VCP: variants seen among roughly 807,000 people sequenced by gnomAD.
The protein encoded by VCP is valosin containing protein.
In VCP, 6 loss-of-function variants were observed where a neutral mutation model predicts 85.7. The ratio of observed to expected loss-of-function variants is 0.07; its 90% confidence interval spans 0.04 to 0.14. The LOEUF is 0.14. Among genes scored for constraint, VCP ranks in the 10% least tolerant of loss-of-function variants. The pLI is 1.00. For synonymous variants in VCP, 384 were observed against 367.1 expected (o/e 1.05, Z -0.53); for missense variants, 353 against 1,043.4 (o/e 0.34, Z 9.12).
At chr9:35,067,109 C>T (rs1828849013) in intron 3 of VCP, among the ~76,000 whole-genome samples, 1 of 151,976 alleles carries the variant, frequency 6.6e-6, no homozygotes, top group African/African-American at 2.4e-5. Flanking sequence ...TACTGGTGAC[C>T]CAATATTACA....
At chr9:35,061,362 T>G (rs908367023) in intron 10 of VCP, among the ~76,000 whole-genome samples, 183 bp from the exon 11 acceptor site, 1 of 152,182 alleles carries the variant, frequency 6.6e-6, no homozygotes, top group Non-Finnish European at 1.5e-5. Context: ...GACCTAGAAA[T>G]AAGGCTGCTC....
chr9:35,064,020 A>T (rs537411230), intron 6 of VCP, 134 bp downstream of exon 6: 1 of 1,425,922 alleles, frequency 7.0e-7, no homozygotes, highest in South Asian at 1.2e-5. Flanking sequence ...GGTAAACTAA[A>T]GGATACGTTA....
Position 35,063,214 on chromosome 9 carries a change from T to C in VCP, c.709-134A>G, listed in dbSNP as rs1828761811. 1.7e-5 allele frequency: 13 copies of C among 775,802 alleles called. No individual in the cohort carries two copies. In the Admixed American group the frequency reaches 2.5e-4, roughly 15 times the overall value. The allele number at this position is 775,802 out of a possible 1,614,324, so 48.1% of individuals were successfully genotyped here. A position where few individuals can be genotyped will look rare whatever the true frequency, so the allele number is the denominator to read the frequency against. On this transcript the variant is annotated intron_variant, in intron 6 of 16. Coordinates refer to ENST00000358901, the MANE Select transcript of VCP (RefSeq NM_007126.5). ...TTAAGAATAAGCCCTCCGCAGTAAA[T>C]GCTAAGAAGACAATTACTTTAGGCC...
chr9:35,057,758 C>T, intron 15 of VCP: 1 of 602,376 alleles, frequency 1.7e-6, no homozygotes, highest in Non-Finnish European at 2.9e-6. Flanking sequence ...AGTGATGGGG[C>T]TTAAGGAGGG....
Position 35,072,587 on chromosome 9 carries a change from G to GGC in VCP, c.-235_-234insGC. ...TGGCAGTGGCAGCGGCAGCGGCAGCGACGACTCAAACGACGGTCGCAGACG... is the reference window on the plus strand; with the variant it reads ...TGGCAGTGGCAGCGGCAGCGGCAGCGGCACGACTCAAACGACGGTCGCAGACG... On this transcript the variant is annotated 5_prime_UTR_variant, in exon 1 of 17. Transcript: ENST00000358901. 6.0e-6 allele frequency: 3 copies of GGC among 500,164 alleles called. No homozygotes were observed. Among genetic ancestry groups the GGC allele is most frequent in the Non-Finnish European group, 1.0e-5 (3 of 293,400 alleles). 31.0% of individuals were successfully genotyped at this position (500,164 alleles called of 1,614,324 possible). A position where few individuals can be genotyped will look rare whatever the true frequency, so the allele number is the denominator to read the frequency against.
Position 35,057,012 on chromosome 9 carries a change from G to A in VCP, c.*105C>T. 1.8e-6 allele frequency: 2 copies of A among 1,098,610 alleles called. No individual in the cohort carries two copies. Among genetic ancestry groups the A allele is most frequent in the South Asian group, 1.3e-5 (1 of 79,994 alleles). The allele number at this position is 1,098,610 out of a possible 1,614,324, so 68.1% of individuals were successfully genotyped here. A position where few individuals can be genotyped will look rare whatever the true frequency, so the allele number is the denominator to read the frequency against. ...GCTGAACTGTTCAGACTGGAGAATG[G>A]AGCAGGCTGTGGGCGCACCCCTGGT... On this transcript the variant is annotated 3_prime_UTR_variant, in exon 17 of 17. Coordinates refer to ENST00000358901, the MANE Select transcript of VCP (RefSeq NM_007126.5).
chr9:35,071,777 C>A (rs7871544), intron 1 of VCP: 51,911 of 988,836 alleles, frequency 0.052, 1,904 homozygotes, highest in East Asian at 0.31. Context: ...GCCGACCCGG[C>A]TCCAAAAAGG....
Position 35,057,772 on chromosome 9 carries a change from ATGT to A in VCP, c.2161-245_2161-243del, listed in dbSNP as rs905393778. 3 of 574,364 alleles carry A rather than the reference ATGT, an allele frequency of 5.2e-6. No homozygotes were observed. The African/African-American group carries it at 5.6e-5, about 11-fold the overall frequency. The allele number at this position is 574,364 out of a possible 1,614,324, so 35.6% of individuals were successfully genotyped here. A position where few individuals can be genotyped will look rare whatever the true frequency, so the allele number is the denominator to read the frequency against. Reference sequence around the variant, plus strand: ...CAGTGATGGGGCTTAAGGAGGGGAGATGTTGACTGAAGTGGCTAAGGAAACTTT... The same window carrying A: ...CAGTGATGGGGCTTAAGGAGGGGAGATGACTGAAGTGGCTAAGGAAACTTT... On this transcript the variant is annotated intron_variant, in intron 15 of 16. Transcript: ENST00000358901.
chr9:35,072,230 G>A (rs999231265), intron 1 of VCP, 107 bp downstream of exon 1: 8 of 1,458,942 alleles, frequency 5.5e-6, no homozygotes, highest in Non-Finnish European at 7.3e-6. Flanking sequence ...CTCTTTCCTG[G>A]TCTCCACCTC....
rs771308655 is a variant in VCP, at chr9:35,060,918, G to A, written c.1365C>T (p.Ala455=). Residue 455 remains alanine (A), a synonymous_variant, in exon 12 of 17, where the codon GCC becomes GCT. Transcript: ENST00000358901. ...GTGCTGATGGGTTACTCTGGCTCAAGGCCCACTAGAAAAGGAGGGAAAACT... is the reference window on the plus strand; with the variant it reads ...GTGCTGATGGGTTACTCTGGCTCAAAGCCCACTAGAAAAGGAGGGAAAACT... ...LAVTMDDFRW[A]LSQSNPSALR... is the part of the protein sequence containing the mutation. The A allele has an allele frequency of 1.2e-6, 2 of 1,614,086 alleles. No individual in the cohort carries two copies. Among genetic ancestry groups the A allele is most frequent in the Non-Finnish European group, 1.7e-6 (2 of 1,180,054 alleles).
chr9:35,070,574 C>T (rs1278287375), intron 1 of VCP, among the ~76,000 whole-genome samples: 1 of 152,142 alleles, frequency 6.6e-6, no homozygotes, highest in African/African-American at 2.4e-5. Context: ...GCTGGGACTA[C>T]AGGTGTGCAC....
At chr9:35,068,527 T>C (rs578132371) in intron 1 of VCP, among the ~76,000 whole-genome samples, 165 bp from the exon 2 acceptor site, 2 of 152,306 alleles carry the variant, frequency 1.3e-5, no homozygotes, top group East Asian at 3.9e-4. Context: ...GTATCTACCA[T>C]ACATATTACA....
Position 35,057,055 on chromosome 9 carries a change from GC to G in VCP, c.*61del. The stretch of plus-strand genomic sequence containing the variant: ...CCCCTGGTCCCTCTCCTGGGCAAGC[GC>G]CCCCACCCCCAGGGAACAAGGTCCA... On this transcript the variant is annotated 3_prime_UTR_variant, in exon 17 of 17. Coordinates refer to ENST00000358901, the MANE Select transcript of VCP (RefSeq NM_007126.5). 1 of 1,569,256 alleles carries G rather than the reference GC, an allele frequency of 6.4e-7. No homozygotes were observed. The highest frequency in any genetic ancestry group is 8.8e-7 in the Non-Finnish European group (1 of 1,142,028).
intron 5 of VCP, 85 bp downstream of exon 5, chr9:35,065,166 C>A: frequency 6.2e-7 from 1 of 1,603,122 alleles, no homozygotes; most frequent in South Asian, 1.1e-5. Context: ...CCGCAGCCGG[C>A]CGAGCACCCA....
At chr9:35,061,319 G>A (rs1489379459) in intron 10 of VCP, 140 bp from the exon 11 acceptor site, 1 of 1,239,542 alleles carries the variant, frequency 8.1e-7, no homozygotes, top group East Asian at 2.5e-5. Flanking sequence ...TACCTTTATG[G>A]GCTGGGTTTT....
intron 15 of VCP, among the ~76,000 whole-genome samples, chr9:35,058,623 C>T (rs961488163): frequency 6.6e-6 from 1 of 152,078 alleles, no homozygotes; most frequent in African/African-American, 2.4e-5. Context: ...AAAAACTAGC[C>T]GGACATGGTG....
rs376146381 is a variant in VCP, at chr9:35,060,791, G to C, written c.1482+10C>G. 1.2e-6 allele frequency: 2 copies of C among 1,614,206 alleles called. No individual in the cohort carries two copies. Among genetic ancestry groups the C allele is most frequent in the South Asian group, 2.2e-5 (2 of 91,086 alleles). ...GAGACAGTGACTCACCCTGGACCAA[G>C]TTGCCCTACCTGGACCAGCTCCTGT... is the stretch of plus-strand genomic sequence containing the variant. On this transcript the variant is annotated intron_variant, in intron 12 of 16. Transcript: ENST00000358901.
At chr9:35,068,173 G>A in intron 2 of VCP, 78 bp downstream of exon 2, 2 of 1,606,024 alleles carry the variant, frequency 1.2e-6, no homozygotes, top group South Asian at 1.1e-5. Context: ...GTCACTGCAA[G>A]AAAAATGAGA....
intron 15 of VCP, among the ~76,000 whole-genome samples, chr9:35,058,074 G>A (rs1828646088): frequency 6.6e-6 from 1 of 152,126 alleles, no homozygotes; most frequent in Non-Finnish European, 1.5e-5. Context: ...TACTACTAGA[G>A]CACATTATTT....
Sources: allele counts gnomAD v4.1 joint callset (sites outside exome capture counted in the v4.1 genomes callset), GRCh38; gene constraint gnomAD v4.1.1; transcripts MANE v1.5; gene names NCBI Gene and HGNC (gene_info 2026-07-23, HGNC 2026-07-21).